The following DEUP1 variants were observed in gnomAD, a reference collection of about 807,000 sequenced individuals.
DEUP1 encodes deuterosome assembly protein 1.
Under a neutral mutation model 87.4 loss-of-function variants are expected in DEUP1, and 82 were observed. The ratio of observed to expected loss-of-function variants is 0.94; its 90% CI spans 0.78 to 1.13. The LOEUF (loss-of-function observed/expected upper bound fraction) is 1.13. Among genes scored for constraint, DEUP1 ranks in the 50% most tolerant of loss-of-function variants. The pLI, the probability that DEUP1 is intolerant of heterozygous loss-of-function variation, is 0.00. For missense variants in DEUP1, 663 were observed against 681.5 expected, an observed-to-expected ratio of 0.97 and a Z score of 0.30; for synonymous variants, 214 against 222.7, an observed-to-expected ratio of 0.96 and a Z score of 0.35.
intron 5 of DEUP1, among the ~76,000 whole-genome samples, chr11:93,368,950 AG>A (rs1945563787): frequency 6.6e-6 from 1 of 151,984 alleles, no homozygotes; most frequent in South Asian, 2.1e-4. Flanking sequence ...AAAAGAAAAA[AG>A]AAAAAAAAGA....
At chr11:93,367,478 A>C (rs920986964) in intron 5 of DEUP1, among the ~76,000 whole-genome samples, 3 of 152,182 alleles carry the variant, frequency 2.0e-5, no homozygotes, top group Non-Finnish European at 4.4e-5. Flanking sequence ...TATTGTGGGA[A>C]ATAGCTAAGA....
chr11:93,332,219 A>G lies in DEUP1; in HGVS notation c.-41A>G. 6.4e-7 allele frequency: 1 copy of G among 1,574,268 alleles called. No homozygotes were observed. The highest frequency in any genetic ancestry group is 8.7e-7 in the Non-Finnish European group (1 of 1,151,788). On this transcript the variant is annotated 5_prime_UTR_variant, in exon 2 of 14. Transcript: ENST00000298050. ...TGTATCATTTTCCTCCTAACAGATT[A>G]AAAATCAAGAAATATAAACCAGATG...
intron 12 of DEUP1, among the ~76,000 whole-genome samples, chr11:93,409,687 A>G (rs752021633): frequency 6.6e-6 from 1 of 152,212 alleles, no homozygotes; most frequent in African/African-American, 2.4e-5. Flanking sequence ...TTGTTGTTAC[A>G]TAACAGAAAT....
At chr11:93,347,648 GT>G (rs1481781583) in intron 2 of DEUP1, among the ~76,000 whole-genome samples, 1 of 152,102 alleles carries the variant, frequency 6.6e-6, no homozygotes, top group Non-Finnish European at 1.5e-5. Context: ...GTCCTGGGCT[GT>G]TTTTGGTTGT....
chr11:93,352,363 C>T (rs754696356), intron 2 of DEUP1: 4 of 702,454 alleles, frequency 5.7e-6, no homozygotes, highest in Non-Finnish European at 1.0e-5. Context: ...GGACTTACAC[C>T]AGCTCCCTGG....
chr11:93,332,988 CTTCAGGTGTCTCACT>C (rs1943567827), intron 2 of DEUP1, among the ~76,000 whole-genome samples: 1 of 152,140 alleles, frequency 6.6e-6, no homozygotes, highest in South Asian at 2.1e-4. Context: ...AGTCACACCA[CTTCAGGTGTCTCACT>C]TTCAGAAATT....
At chr11:93,398,814 G>T (rs577842863) in intron 11 of DEUP1, among the ~76,000 whole-genome samples, 3 of 150,668 alleles carry the variant, frequency 2.0e-5, no homozygotes, top group Admixed American at 6.6e-5. Flanking sequence ...TCCACCTCCC[G>T]GGTTCAAGCA....
At chr11:93,394,083 T>A (rs1946860600) in intron 9 of DEUP1, among the ~76,000 whole-genome samples, 1 of 152,208 alleles carries the variant, frequency 6.6e-6, no homozygotes, top group African/African-American at 2.4e-5. Context: ...AGTCCTAGCT[T>A]TGCCGATTAT....
At chr11:93,391,189 CT>C (rs59770101) in intron 9 of DEUP1, among the ~76,000 whole-genome samples, 211 of 151,258 alleles carry the variant, frequency 1.4e-3, no homozygotes, top group African/African-American at 4.9e-3. Context: ...TATTTTATTT[CT>C]TTTCCTTTTT....
chr11:93,339,212 G>A (rs1026231453), intron 2 of DEUP1, among the ~76,000 whole-genome samples: 2 of 152,166 alleles, frequency 1.3e-5, no homozygotes, highest in Non-Finnish European at 2.9e-5. Flanking sequence ...TTCACATGTT[G>A]CCATATTAAA....
At chr11:93,392,465 C>CT (rs1946794964) in intron 9 of DEUP1, among the ~76,000 whole-genome samples, 1 of 152,116 alleles carries the variant, frequency 6.6e-6, no homozygotes, top group Non-Finnish European at 1.5e-5. Context: ...ATGTAAACTA[C>CT]TTAGAACACA....
Position 93,371,199 on chromosome 11 carries a change from G to A in DEUP1, c.708G>A (p.Glu236=), listed in dbSNP as rs1010930677. 1.2e-6 allele frequency: 2 copies of A among 1,612,986 alleles called. No individual in the cohort carries two copies. Among genetic ancestry groups the A allele is most frequent in the Non-Finnish European group, 1.7e-6 (2 of 1,179,450 alleles). The change falls in exon 7 of 14, where the codon GAG becomes GAA. Residue 236 remains glutamate (E), a synonymous_variant. Coordinates refer to ENST00000298050, the MANE Select transcript of DEUP1 (RefSeq NM_181645.4). ...AAAAACTGAAATCAGCTGTAAATGA[G>A]ATAGCACTAAGCAGGAATAAATTAC... ...IIEKLKSAVN[E]IALSRNKLQD... is the part of the protein sequence containing the mutation.
At chr11:93,388,723 T>C (rs1207074304) in intron 8 of DEUP1, among the ~76,000 whole-genome samples, 1 of 152,220 alleles carries the variant, frequency 6.6e-6, no homozygotes, top group African/African-American at 2.4e-5. Flanking sequence ...TACAGTCTTT[T>C]CTTTTTTCCC....
chr11:93,371,164 T>C lies in DEUP1; in HGVS notation c.673T>C (p.Phe225Leu), dbSNP rs764802469. 6.2e-7 allele frequency: 1 copy of C among 1,613,232 alleles called. No homozygotes were observed. Among genetic ancestry groups the C allele is most frequent in the Admixed American group, 1.7e-5 (1 of 59,926 alleles). Residue 225 changes from phenylalanine (F) to leucine (L), a missense_variant, in exon 7 of 14, where the codon TTC (phenylalanine) becomes CTC (leucine). Phe to Leu is a conservative substitution (Grantham distance 22, BLOSUM62 0). Coordinates refer to ENST00000298050, the MANE Select transcript of DEUP1 (RefSeq NM_181645.4). ...PNCEINERDE[F>L]IIEKLKSAVN... ...TTGTGAAATCAATGAAAGAGATGAG[T>C]TCATTATTGAAAAACTGAAATCAGC... is the stretch of plus-strand genomic sequence containing the variant.
chr11:93,336,532 A>G (rs1283633521), intron 2 of DEUP1, among the ~76,000 whole-genome samples: 3 of 152,160 alleles, frequency 2.0e-5, no homozygotes, highest in Non-Finnish European at 4.4e-5. Context: ...AGAGAATTCT[A>G]ATTTCCTACC....
At chr11:93,388,659 A>G (rs1946667015) in intron 8 of DEUP1, among the ~76,000 whole-genome samples, 2 of 152,146 alleles carry the variant, frequency 1.3e-5, no homozygotes, top group Admixed American at 1.3e-4. Flanking sequence ...TACATTAGCA[A>G]GTTGGGTGTG....
At chr11:93,354,259 A>G (rs1310197992) in intron 2 of DEUP1, among the ~76,000 whole-genome samples, 1 of 152,170 alleles carries the variant, frequency 6.6e-6, no homozygotes, top group Non-Finnish European at 1.5e-5. Flanking sequence ...CCTTTACTCC[A>G]GTTCCCAACA....
At chr11:93,364,135 T>C in intron 4 of DEUP1, 25 bp from the exon 5 acceptor site, 9 of 1,494,166 alleles carry the variant, frequency 6.0e-6, no homozygotes, top group Non-Finnish European at 8.3e-6. Context: ...AATAGTAAAA[T>C]GTTAACATTT....
chr11:93,337,149 T>G (rs1943808018), intron 2 of DEUP1, among the ~76,000 whole-genome samples: 1 of 152,208 alleles, frequency 6.6e-6, no homozygotes, highest in Non-Finnish European at 1.5e-5. Flanking sequence ...CCAAGGTAGA[T>G]GAATATTAAA....
Sources: gnomAD v4.1 joint callset for allele counts (sites outside exome capture counted in the v4.1 genomes callset) on GRCh38, gnomAD v4.1.1 for gene constraint, MANE v1.5 for transcripts, NCBI Gene and HGNC (gene_info 2026-07-23, HGNC 2026-07-21) for gene names.